Variants in TTI1 observed in about 807,000 individuals in gnomAD.
TTI1 encodes the protein TELO2 interacting protein 1, also known as TELO2-interacting protein 1 homolog.
Under a neutral mutation model 85.4 loss-of-function variants are expected in TTI1, and 52 were observed. The ratio of observed to expected loss-of-function variants is 0.61; its 90% CI spans 0.49 to 0.77. TTI1 has a LOEUF of 0.77. Ranked by LOEUF, TTI1 falls within the 30% of genes least tolerant of loss-of-function variation. TTI1 has a pLI of 0.00. For synonymous variants in TTI1, 512 were observed against 503.9 expected (o/e 1.02, Z -0.22); for missense variants, 1,173 against 1,296.0 (o/e 0.91, Z 1.46).
Position 37,983,519 on chromosome 20 carries a change from C to T in TTI1, c.3207G>A (p.Gly1069=), listed in dbSNP as rs748670710. 1.1e-5 allele frequency: 18 copies of T among 1,611,200 alleles called. No individual in the cohort carries two copies. In the Admixed American group the frequency reaches 2.8e-4, roughly 25 times the overall value. ...HPSLHPVQLH[G]ASGQQNPYTT... is the part of the protein sequence containing the mutation. ...TGTAGGGGTTCTGCTGCCCGCTGGC[C>T]CCGTGCAGCTGCACAGGGTGGAGGC... The change falls in exon 8 of 8, where the codon GGG becomes GGA. Residue 1069 remains glycine (G), a synonymous_variant. Coordinates refer to ENST00000373447, the MANE Select transcript of TTI1 (RefSeq NM_001303457.2).
chr20:38,024,455 G>A (rs1443130382), intron 1 of TTI1, among the ~76,000 whole-genome samples: 1 of 152,040 alleles, frequency 6.6e-6, no homozygotes, highest in Non-Finnish European at 1.5e-5. Context: ...GAGTGACACA[G>A]TGCTGAGTTC....
In TTI1 at chr20:38,011,605, C is replaced by A; in HGVS notation, c.2212G>T (p.Val738Phe). The A allele has an allele frequency of 6.2e-7, 1 of 1,614,218 alleles. No individual in the cohort carries two copies. The highest frequency in any genetic ancestry group is 8.5e-7 in the Non-Finnish European group (1 of 1,180,036). ...TCCAGGGTGGCCAAGACATCTTGAA[C>A]CACATCTGCCACCAAAGGAAGCAGG... The part of the protein sequence containing the change: ...ANLLPLVADV[V>F]QDVLATLDQF... The change falls in exon 2 of 8, where the codon GTT becomes TTT. Residue 738 changes from valine to phenylalanine, a missense_variant. Coordinates refer to ENST00000373447, the MANE Select transcript of TTI1 (RefSeq NM_001303457.2).
chr20:38,011,991 G>T lies in TTI1; in HGVS notation c.1826C>A (p.Ala609Asp). Residue 609 changes from alanine to aspartate, a missense_variant, in exon 2 of 8, where the codon GCC (alanine) becomes GAC (aspartate). Transcript: ENST00000373447. The stretch of plus-strand genomic sequence containing the variant: ...AATAGTGGGACTTGGCTTTGAGAAG[G>T]CTAGAAAAGATGTAACTTGGCAGGT... ...EHTCQVTSFL[A>D]FSKPSPTICS... is the part of the protein sequence containing the mutation. The T allele has an allele frequency of 6.2e-7, 1 of 1,614,222 alleles. No homozygotes were observed.
chr20:37,989,572 C>G (rs541313808), intron 7 of TTI1, among the ~76,000 whole-genome samples: 2 of 152,344 alleles, frequency 1.3e-5, no homozygotes, highest in South Asian at 4.1e-4. Flanking sequence ...CTCCTGCCTC[C>G]AGGAACCCTG....
rs941040536 is a variant in TTI1 at position 38,000,139 on chromosome 20, G to A, written c.2653-811C>T. The stretch of plus-strand genomic sequence containing the variant: ...TTAAATTGCTGAAGGACTGGATACT[G>A]GGGAGGGGAAGTGAGGGTTTGAAAA... On this transcript the variant is annotated intron_variant, in intron 4 of 7. Transcript: ENST00000373447. Among the ~76,000 whole-genome samples, 68 of 152,196 alleles carry A rather than the reference G, an allele frequency of 4.5e-4. 1 individual carries two copies. The highest frequency in any genetic ancestry group is 1.6e-3 in the African/African-American group (65 of 41,442).
chr20:37,993,390 G>A (rs1308154546), intron 7 of TTI1, among the ~76,000 whole-genome samples: 1 of 152,042 alleles, frequency 6.6e-6, no homozygotes, highest in Non-Finnish European at 1.5e-5. Flanking sequence ...CTGCCACAAA[G>A]GCTATATTTA....
In TTI1 at chr20:38,012,788, CTCA is replaced by C; in HGVS notation, c.1026_1028del (p.Asp342del). On this transcript the variant is annotated inframe_deletion, in exon 2 of 8. Coordinates refer to ENST00000373447, the MANE Select transcript of TTI1 (RefSeq NM_001303457.2). ...TGCACTGGGCTTGGATTTCAGGACT[CTCA>C]TCATTTACTAGTCCCACTAAGGCCT... 1.9e-6 allele frequency: 3 copies of C among 1,614,186 alleles called. No homozygotes were observed. Among genetic ancestry groups the C allele is most frequent in the Non-Finnish European group, 2.5e-6 (3 of 1,180,042 alleles).
intron 1 of TTI1, among the ~76,000 whole-genome samples, chr20:38,030,698 G>C (rs998370937): frequency 1.3e-5 from 2 of 152,066 alleles, no homozygotes; most frequent in African/African-American, 4.8e-5. Context: ...TCACCTTTCA[G>C]ACCTCTATAT....
chr20:37,983,687 C>T (rs754778047), intron 7 of TTI1, 48 bp from the exon 8 acceptor site: 71 of 1,419,502 alleles, frequency 5.0e-5, no homozygotes, highest in African/African-American at 1.0e-4. Context: ...AGAGGGAAGG[C>T]GGGGAATGCT....
chr20:38,001,446 A>T (rs987038159), intron 4 of TTI1, among the ~76,000 whole-genome samples: 23 of 152,234 alleles, frequency 1.5e-4, no homozygotes, highest in African/African-American at 5.5e-4. Flanking sequence ...CAAATCCTCT[A>T]CAAAAAGGAA....
At chr20:38,011,283 T>C (rs954965003) in intron 2 of TTI1, among the ~76,000 whole-genome samples, 1 of 152,240 alleles carries the variant, frequency 6.6e-6, no homozygotes, top group Non-Finnish European at 1.5e-5. Flanking sequence ...TTTACATTTA[T>C]TCTGCAGGGT....
At chr20:38,016,933 G>A (rs1268252513) in intron 1 of TTI1, among the ~76,000 whole-genome samples, 1 of 152,190 alleles carries the variant, frequency 6.6e-6, no homozygotes, top group Non-Finnish European at 1.5e-5. Context: ...TCAGGCTTCT[G>A]CCTGTCTTGC....
intron 6 of TTI1, 110 bp downstream of exon 6, chr20:37,996,639 G>A: frequency 7.1e-7 from 1 of 1,412,986 alleles, no homozygotes; most frequent in Non-Finnish European, 9.8e-7. Flanking sequence ...TAAGACGGAA[G>A]GAGGTACACA....
At chr20:37,990,557 TA>T (rs2073248754) in intron 7 of TTI1, among the ~76,000 whole-genome samples, 1 of 152,200 alleles carries the variant, frequency 6.6e-6, no homozygotes, top group Non-Finnish European at 1.5e-5. Context: ...AGAGACCCAA[TA>T]AAAATCTTTT....
In TTI1 at chr20:37,996,418, G is replaced by C. The variant is rs1178125454; in HGVS notation, c.3043C>G (p.Leu1015Val). 6.2e-7 allele frequency: 1 copy of C among 1,613,992 alleles called. No individual in the cohort carries two copies. The highest frequency in any genetic ancestry group is 2.2e-5 in the East Asian group (1 of 44,882). The stretch of plus-strand genomic sequence containing the variant: ...AATTTCACGGGCTGTTTGACACTGA[G>C]GTAAATCAAGCAGGCATCAGCCACT... The part of the protein sequence containing the change: ...NKVADACLIY[L>V]SVKQPVKLQE... The change falls in exon 7 of 8, where the codon CTC becomes GTC. Residue 1015 changes from leucine (L) to valine (V), a missense_variant. Coordinates refer to ENST00000373447, the MANE Select transcript of TTI1 (RefSeq NM_001303457.2).
At position 38,012,999 on chromosome 20, in the gene TTI1, ACCATCAGCTCTG is replaced by A. The variant is rs1412280031; in HGVS notation, c.806_817del (p.Ala269_Met272del). ...TTTTACCCAATCTGCTTCCCTGTAA[ACCATCAGCTCTG>A]CTACTCTGTGCTCAACTGCAGGTTT... On this transcript the variant is annotated inframe_deletion, in exon 2 of 8. Coordinates refer to ENST00000373447, the MANE Select transcript of TTI1 (RefSeq NM_001303457.2). 6.2e-7 allele frequency: 1 copy of A among 1,613,934 alleles called. No individual in the cohort carries two copies. Among genetic ancestry groups the A allele is most frequent in the Admixed American group, 1.7e-5 (1 of 60,016 alleles).
intron 7 of TTI1, among the ~76,000 whole-genome samples, chr20:37,994,418 C>A (rs2073309725): frequency 6.6e-6 from 1 of 152,144 alleles, no homozygotes; most frequent in Non-Finnish European, 1.5e-5. Context: ...CAGGCGTAAG[C>A]CACCCACCGC....
Position 38,005,592 on chromosome 20 carries a change from A to G in TTI1, c.2503+605T>C, listed in dbSNP as rs532921170. 1.8e-4 allele frequency among the ~76,000 whole-genome samples: 27 copies of G among 152,318 alleles called. No individual in the cohort carries two copies. In the South Asian group the frequency reaches 5.0e-3, roughly 28 times the overall value. On this transcript the variant is annotated intron_variant, in intron 3 of 7. Coordinates refer to ENST00000373447, the MANE Select transcript of TTI1 (RefSeq NM_001303457.2). ...AGATAACAAGACCCATTTTTCACCT[A>G]TTAATTTAGGAAGAAAACTGGAAAT...
At chr20:38,019,523 G>C (rs1294585870) in intron 1 of TTI1, among the ~76,000 whole-genome samples, 1 of 152,038 alleles carries the variant, frequency 6.6e-6, no homozygotes, top group African/African-American at 2.4e-5. Flanking sequence ...GAAATCTGTA[G>C]AGTAAGCTCT....
Sources: gnomAD v4.1 joint callset for allele counts (sites outside exome capture counted in the v4.1 genomes callset) on GRCh38, gnomAD v4.1.1 for gene constraint, MANE v1.5 for transcripts, NCBI Gene and HGNC (gene_info 2026-07-23, HGNC 2026-07-21) for gene names.